CACNA1E: variants seen among roughly 807,000 people sequenced by gnomAD.
CACNA1E encodes voltage-dependent R-type calcium channel subunit alpha-1E.
Under a neutral mutation model 259.2 loss-of-function variants are expected in CACNA1E, and 40 were observed. The ratio of observed to expected loss-of-function variants is 0.15; its 90% CI spans 0.12 to 0.20. The LOEUF (loss-of-function observed/expected upper bound fraction) is 0.20, where lower values mean the gene tolerates loss of function less well. Among genes scored for constraint, CACNA1E ranks in the 10% least tolerant of loss-of-function variants. The pLI is 1.00. For missense variants in CACNA1E, 1,874 were observed against 3,040.1 expected (o/e 0.62, Z 9.02); for synonymous variants, 1,104 against 1,138.5 (o/e 0.97, Z 0.61).
chr1:181,664,528 A>T (rs1648018016), intron 7 of CACNA1E, among the ~76,000 whole-genome samples: 1 of 152,228 alleles, frequency 6.6e-6, no homozygotes, highest in African/African-American at 2.4e-5. Context: ...CCCTGTATTG[A>T]TAACGCTATG....
At chr1:181,735,166 G>A (rs77416709) in intron 21 of CACNA1E, among the ~76,000 whole-genome samples, 11,316 of 152,282 alleles carry the variant, frequency 0.074, 579 homozygotes, top group East Asian at 0.29. Context: ...TCCAGTGCAT[G>A]CTTCAGTTGA....
chr1:181,761,864 A>G (rs1026772181), intron 32 of CACNA1E, among the ~76,000 whole-genome samples: 2 of 152,156 alleles, frequency 1.3e-5, no homozygotes, highest in Non-Finnish European at 2.9e-5. Context: ...GGCTCTTTAT[A>G]TCTCCTTCAG....
At chr1:181,628,702 G>T (rs564108233) in intron 6 of CACNA1E, among the ~76,000 whole-genome samples, 1 of 152,184 alleles carries the variant, frequency 6.6e-6, no homozygotes, top group Non-Finnish European at 1.5e-5. Flanking sequence ...CCGAAGTGTA[G>T]GCGGGCCTTT....
intron 37 of CACNA1E, among the ~76,000 whole-genome samples, chr1:181,775,773 A>G (rs1659919749): frequency 6.6e-6 from 1 of 152,224 alleles, no homozygotes; most frequent in African/African-American, 2.4e-5. Context: ...TTTGTATACA[A>G]ATGGTCTGTC....
intron 46 of CACNA1E, among the ~76,000 whole-genome samples, chr1:181,795,506 T>C (rs986251859): frequency 1.9e-4 from 29 of 150,880 alleles, no homozygotes; most frequent in African/African-American, 6.8e-4. Context: ...AGTGGTGTGA[T>C]CTCGGCTCAC....
chr1:181,462,639 C>G (rs1661893826), intron 2 of CACNA1E, among the ~76,000 whole-genome samples: 1 of 152,172 alleles, frequency 6.6e-6, no homozygotes, highest in South Asian at 2.1e-4. Context: ...CTCCGGAAGT[C>G]ATCACTCCTC....
intron 2 of CACNA1E, among the ~76,000 whole-genome samples, chr1:181,461,586 A>T (rs941145064): frequency 6.6e-6 from 1 of 150,410 alleles, no homozygotes; most frequent in Non-Finnish European, 1.5e-5. Flanking sequence ...CATTTTATAG[A>T]TGATAGTTTC....
In CACNA1E at chr1:181,506,184, C is replaced by T. The variant is rs140172365; in HGVS notation, c.267-4293C>T. On this transcript the variant is annotated intron_variant, in intron 1 of 47. Coordinates refer to ENST00000367573, the MANE Select transcript of CACNA1E (RefSeq NM_001205293.3). ...GTGATGGTCTTTGAGGCCGTGGCGA[C>T]TCGGAGCTCCCTTTGACCTTTCTAA... 4.6e-5 allele frequency among the ~76,000 whole-genome samples: 7 copies of T among 152,350 alleles called. No individual in the cohort carries two copies. In the East Asian group the frequency reaches 1.3e-3, roughly 29 times the overall value.
intron 3 of CACNA1E, among the ~76,000 whole-genome samples, chr1:181,543,936 A>C (rs1191610681): frequency 6.6e-6 from 1 of 152,196 alleles, no homozygotes; most frequent in Non-Finnish European, 1.5e-5. Flanking sequence ...TAAAATGTTA[A>C]ACATGGACCA....
intron 6 of CACNA1E, among the ~76,000 whole-genome samples, chr1:181,593,843 A>G (rs1179560959): frequency 6.6e-6 from 1 of 152,150 alleles, no homozygotes; most frequent in Non-Finnish European, 1.5e-5. Context: ...GGCCAAGGAC[A>G]TCTTAACCTT....
intron 7 of CACNA1E, among the ~76,000 whole-genome samples, chr1:181,661,245 A>G (rs1003472658): frequency 6.6e-6 from 1 of 152,164 alleles, no homozygotes; most frequent in Non-Finnish European, 1.5e-5. Context: ...CTAGATTTGC[A>G]TTTGAAGATG....
intron 8 of CACNA1E, 92 bp downstream of exon 8, chr1:181,711,161 C>A: frequency 1.2e-6 from 1 of 861,346 alleles, no homozygotes; most frequent in Non-Finnish European, 2.0e-6. Flanking sequence ...CAAGGGGCAG[C>A]CTAGACAAGA....
chr1:181,480,792 A>G (rs12404723), upstream of CACNA1E, among the ~76,000 whole-genome samples: 17,116 of 152,218 alleles, frequency 0.11, 1,128 homozygotes, highest in South Asian at 0.21. Context: ...AGGTTATACA[A>G]TCTAGTATAA....
At chr1:181,336,205 G>A (rs919727394) in intron 1 of CACNA1E, among the ~76,000 whole-genome samples, 4 of 152,184 alleles carry the variant, frequency 2.6e-5, no homozygotes, top group African/African-American at 9.7e-5. Flanking sequence ...CTTAAAGGCA[G>A]GAACCCATCC....
chr1:181,747,435 CAA>C (rs1173409802), intron 25 of CACNA1E, among the ~76,000 whole-genome samples: 2 of 138,128 alleles, frequency 1.4e-5, no homozygotes, highest in Admixed American at 7.7e-5. Flanking sequence ...ACTGATGAAA[CAA>C]GAAAAATCTG....
intron 2 of CACNA1E, among the ~76,000 whole-genome samples, chr1:181,422,833 C>T (rs1051099540): frequency 1.1e-4 from 17 of 152,142 alleles, no homozygotes; most frequent in Non-Finnish European, 2.2e-4. Context: ...TAGAAGCCTG[C>T]AACTTCTTGT....
intron 6 of CACNA1E, among the ~76,000 whole-genome samples, chr1:181,607,314 T>C (rs1654328154): frequency 6.6e-6 from 1 of 152,248 alleles, no homozygotes; most frequent in Admixed American, 6.5e-5. Context: ...TTATCAGCTA[T>C]GTGTATATAA....
intron 1 of CACNA1E, among the ~76,000 whole-genome samples, chr1:181,341,834 C>T (rs180830744): frequency 2.0e-5 from 3 of 152,352 alleles, no homozygotes; most frequent in Admixed American, 1.3e-4. Context: ...TCCATCCATT[C>T]ATTCAAAAAG....
At chr1:181,576,364 G>T (rs10797732) in intron 3 of CACNA1E, among the ~76,000 whole-genome samples, 35,573 of 152,190 alleles carry the variant, frequency 0.23, 4,781 homozygotes, top group Admixed American at 0.32. Context: ...AGCACATGAA[G>T]CCGTCCGCTT....
Sources: gnomAD v4.1 joint callset for allele counts (sites outside exome capture counted in the v4.1 genomes callset) on GRCh38, gnomAD v4.1.1 for gene constraint, MANE v1.5 for transcripts, NCBI Gene and HGNC (gene_info 2026-07-23, HGNC 2026-07-21) for gene names.